CTIF: variants seen among roughly 807,000 people sequenced by gnomAD.
CTIF encodes the protein CBP80/20-dependent translation initiation factor.
A neutral mutation model predicts 66.0 loss-of-function variants in CTIF; 21 were observed. That is an observed-to-expected ratio of 0.32 (90% CI 0.23 to 0.46). CTIF has a LOEUF of 0.46. Among genes scored for constraint, CTIF ranks in the 20% least tolerant of loss-of-function variants. The pLI is 1.00. For synonymous variants in CTIF, 345 were observed against 326.4 expected, an observed-to-expected ratio of 1.06 and a Z score of -0.62; for missense variants, 739 against 812.7, an observed-to-expected ratio of 0.91 and a Z score of 1.10.
chr18:48,650,492 T>G (rs1425341888), intron 3 of CTIF, among the ~76,000 whole-genome samples: 1 of 152,094 alleles, frequency 6.6e-6, no homozygotes, highest in Non-Finnish European at 1.5e-5. Flanking sequence ...AAAGACCAAA[T>G]CTATGTTTGA....
intron 3 of CTIF, among the ~76,000 whole-genome samples, chr18:48,663,531 C>G (rs1037367028): frequency 3.3e-5 from 5 of 152,016 alleles, no homozygotes; most frequent in African/African-American, 1.2e-4. Flanking sequence ...GGGGCCTGGA[C>G]CCTTCTGTAT....
rs75500680 is a variant in CTIF at position 48,820,917 on chromosome 18, A to G, written c.1527+3541A>G. ...GAGGCCCCCTTCATTCTGAGGTCCA[A>G]GCTTACTCGGTCCCCACGCTCCTTT... On this transcript the variant is annotated intron_variant, in intron 10 of 11. Coordinates refer to ENST00000256413, the MANE Select transcript of CTIF (RefSeq NM_014772.3). 6.9e-3 allele frequency among the ~76,000 whole-genome samples: 1,047 copies of G among 152,296 alleles called. 11 individuals carry two copies. Among genetic ancestry groups the G allele is most frequent in the African/African-American group, 0.024 (1,006 of 41,570 alleles).
chr18:48,716,050 G>C (rs1042319446), intron 7 of CTIF, among the ~76,000 whole-genome samples: 3 of 152,226 alleles, frequency 2.0e-5, no homozygotes, highest in South Asian at 2.1e-4. Context: ...GTTGGCAGCT[G>C]AGGGCTGTCT....
chr18:48,775,732 G>A (rs1231938376), intron 9 of CTIF, among the ~76,000 whole-genome samples: 2 of 152,246 alleles, frequency 1.3e-5, no homozygotes, highest in East Asian at 3.8e-4. Context: ...GCTTCCTGGA[G>A]GAGGAAGCAT....
At chr18:48,663,237 C>T (rs1312832796) in intron 3 of CTIF, among the ~76,000 whole-genome samples, 1 of 152,216 alleles carries the variant, frequency 6.6e-6, no homozygotes, top group African/African-American at 2.4e-5. Context: ...AAAGAGGTTT[C>T]TGTCTCTGGG....
chr18:48,644,483 G>A (rs2090990100), intron 3 of CTIF, among the ~76,000 whole-genome samples: 1 of 152,200 alleles, frequency 6.6e-6, no homozygotes, highest in Non-Finnish European at 1.5e-5. Flanking sequence ...CAACCTCTGT[G>A]CTCACCAGCG....
chr18:48,563,522 A>C (rs572780110), intron 1 of CTIF, among the ~76,000 whole-genome samples: 1 of 152,206 alleles, frequency 6.6e-6, no homozygotes, highest in Admixed American at 6.5e-5. Flanking sequence ...CCCAGGCTGG[A>C]GTGCAGTGGC....
chr18:48,600,101 G>T (rs374902489), intron 1 of CTIF, among the ~76,000 whole-genome samples: 2 of 152,268 alleles, frequency 1.3e-5, no homozygotes, highest in Non-Finnish European at 1.5e-5. Context: ...CACCCCATGG[G>T]GTTGAGAGCA....
At chr18:48,732,631 C>T (rs776299122) in intron 7 of CTIF, among the ~76,000 whole-genome samples, 8 of 152,328 alleles carry the variant, frequency 5.3e-5, no homozygotes, top group East Asian at 1.9e-4. Context: ...TTCTTGTTCT[C>T]GGCAGCCCAT....
intron 10 of CTIF, among the ~76,000 whole-genome samples, chr18:48,857,323 C>G (rs1319401001): frequency 1.3e-5 from 2 of 152,248 alleles, no homozygotes; most frequent in Non-Finnish European, 2.9e-5. Context: ...TCACGGTGTT[C>G]AGACCTGGCC....
intron 1 of CTIF, among the ~76,000 whole-genome samples, chr18:48,545,302 T>C (rs2088719021): frequency 6.6e-6 from 1 of 152,130 alleles, no homozygotes; most frequent in South Asian, 2.1e-4. Flanking sequence ...GAGGAAGGAC[T>C]TTAATCAGAG....
chr18:48,645,790 T>G (rs2091020247), intron 3 of CTIF, among the ~76,000 whole-genome samples: 1 of 152,114 alleles, frequency 6.6e-6, no homozygotes, highest in African/African-American at 2.4e-5. Flanking sequence ...GATCCGGAAC[T>G]CCCACCTCCA....
intron 1 of CTIF, among the ~76,000 whole-genome samples, chr18:48,575,483 T>A (rs1212734240): frequency 2.6e-5 from 4 of 152,238 alleles, no homozygotes; most frequent in Non-Finnish European, 4.4e-5. Flanking sequence ...TTCTTTTGCC[T>A]TCAGGGGTTT....
intron 9 of CTIF, among the ~76,000 whole-genome samples, chr18:48,788,702 G>C (rs532279747): frequency 4.6e-5 from 7 of 152,280 alleles, no homozygotes; most frequent in South Asian, 4.1e-4. Context: ...AGGTGTGGCT[G>C]TAATAGGAAC....
At chr18:48,854,981 G>A (rs1002790029) in intron 10 of CTIF, among the ~76,000 whole-genome samples, 3 of 138,250 alleles carry the variant, frequency 2.2e-5, no homozygotes, top group South Asian at 2.2e-4. Flanking sequence ...TGATAGAGAT[G>A]TTTATTGGTT....
At chr18:48,855,011 GC>G (rs1384308129) in intron 10 of CTIF, among the ~76,000 whole-genome samples, 1 of 152,076 alleles carries the variant, frequency 6.6e-6, no homozygotes, top group Non-Finnish European at 1.5e-5. Context: ...CATTTCCACC[GC>G]CCCGGAGCTG....
chr18:48,838,256 GGGT>G (rs2068857863), intron 10 of CTIF, among the ~76,000 whole-genome samples: 1 of 152,132 alleles, frequency 6.6e-6, no homozygotes, highest in Non-Finnish European at 1.5e-5. Context: ...GTCAGCTTGT[GGGT>G]AGACTCACAT....
intron 7 of CTIF, among the ~76,000 whole-genome samples, chr18:48,730,754 T>TG (rs1568172506): frequency 2.6e-5 from 3 of 117,526 alleles, no homozygotes; most frequent in Admixed American, 8.5e-5. Flanking sequence ...CCCCCGCAGC[T>TG]TGAGGGGCCC....
chr18:48,707,922 G>A (rs537327570), intron 6 of CTIF, among the ~76,000 whole-genome samples: 2 of 152,234 alleles, frequency 1.3e-5, no homozygotes, highest in East Asian at 1.9e-4. Flanking sequence ...TTCCATCTCT[G>A]CAGATATGCC....
Sources: gnomAD v4.1 joint callset for allele counts (sites outside exome capture counted in the v4.1 genomes callset) on GRCh38, gnomAD v4.1.1 for gene constraint, MANE v1.5 for transcripts, NCBI Gene and HGNC (gene_info 2026-07-23, HGNC 2026-07-21) for gene names.